Variants in MGAT5B observed in about 807,000 individuals in gnomAD.
MGAT5B encodes the protein N-acetylglucosaminyl-transferase Vb.
A neutral mutation model predicts 95.1 loss-of-function variants in MGAT5B; 54 were observed. The observed-to-expected ratio is 0.57, with a 90% confidence interval of 0.46 to 0.71. The LOEUF is 0.71. MGAT5B is among the 30% of genes least tolerant of loss of function. The pLI is 0.00. For synonymous variants in MGAT5B, 464 were observed against 451.0 expected (o/e 1.03, Z -0.36); for missense variants, 935 against 1,088.6 (o/e 0.86, Z 1.99).
intron 3 of MGAT5B, among the ~76,000 whole-genome samples, chr17:76,882,931 T>C (rs1296009083): frequency 6.6e-6 from 1 of 151,916 alleles, no homozygotes; most frequent in Non-Finnish European, 1.5e-5. Context: ...GCCAGGCTAG[T>C]CTCAAACTGC....
chr17:76,940,986 G>A lies in MGAT5B; in HGVS notation c.1848+138G>A. 1 of 650,162 alleles carries A rather than the reference G, an allele frequency of 1.5e-6. No homozygotes were observed. The highest frequency in any genetic ancestry group is 2.7e-6 in the Non-Finnish European group (1 of 368,464). The allele number at this position is 650,162 out of a possible 1,614,324, so 40.3% of individuals were successfully genotyped here. A position where few individuals can be genotyped will look rare whatever the true frequency, so the allele number is the denominator to read the frequency against. On this transcript the variant is annotated intron_variant, in intron 15 of 17. Coordinates refer to ENST00000569840, the MANE Select transcript of MGAT5B (RefSeq NM_001199172.2). This position sits in a 1 kb window ranked among gnomAD's most constrained non-coding sequence, Gnocchi z 4.3. ...TGGCAAAGGTGTCCATCCCTCCCCTGGTCAGACACAGCCCTGAGCCAGGGC... is the reference window on the plus strand; with the variant it reads ...TGGCAAAGGTGTCCATCCCTCCCCTAGTCAGACACAGCCCTGAGCCAGGGC...
rs552617546 is a variant in MGAT5B, at chr17:76,949,197, G to A, written c.*359G>A. The A allele has an allele frequency of 2.3e-4, 61 of 262,134 alleles. No individual in the cohort carries two copies. The highest frequency in any genetic ancestry group is 1.3e-3 in the Middle Eastern group (1 of 772). 16.2% of individuals were successfully genotyped at this position (262,134 alleles called of 1,614,324 possible). ...GCCAGGTGGCGAAAGGGGCCCAGTC[G>A]TTCTTGGGCCCAGGATGGGGCCTCT... On this transcript the variant is annotated 3_prime_UTR_variant, in exon 18 of 18. Transcript: ENST00000569840.
At chr17:76,922,965 C>T (rs1969165631) in intron 8 of MGAT5B, among the ~76,000 whole-genome samples, 1 of 152,194 alleles carries the variant, frequency 6.6e-6, no homozygotes, top group South Asian at 2.1e-4. Flanking sequence ...AGAGAAAGCG[C>T]CTCCCCTCTT....
intron 1 of MGAT5B, 27 bp from the exon 2 acceptor site, chr17:76,872,824 C>T (rs1432351217): frequency 1.2e-6 from 2 of 1,614,214 alleles, no homozygotes; most frequent in East Asian, 4.5e-5. Flanking sequence ...TTCCTGCCCT[C>T]CTGACCCGCC....
chr17:76,905,317 A>G lies in MGAT5B; in HGVS notation c.839A>G (p.Gln280Arg), dbSNP rs765553033. 6.3e-7 allele frequency: 1 copy of G among 1,595,582 alleles called. No individual in the cohort carries two copies. The highest frequency in any genetic ancestry group is 1.7e-5 in the Admixed American group (1 of 58,850). ...CTGGCACAGAAGCTGGGGGCCACCC[A>G]GAGGGACCAGAAGCAGGTGCGTGGC... The part of the protein sequence containing the change: ...QRLAQKLGAT[Q>R]RDQKQILVHI... Residue 280 changes from glutamine to arginine, a missense_variant, in exon 7 of 18, where the codon CAG (glutamine) becomes CGG (arginine). Physicochemically the swap from Gln to Arg is conservative, Grantham distance 43. Coordinates refer to ENST00000569840, the MANE Select transcript of MGAT5B (RefSeq NM_001199172.2). The surrounding 1 kb of genome is among the most constrained non-coding windows in gnomAD (Gnocchi z 4.2).
intron 8 of MGAT5B, among the ~76,000 whole-genome samples, chr17:76,911,534 G>C (rs1399578116): frequency 6.6e-6 from 1 of 152,192 alleles, no homozygotes; most frequent in East Asian, 1.9e-4. Flanking sequence ...GCATCACGTG[G>C]GAACCTGCTG....
In MGAT5B at chr17:76,940,767, C is replaced by T. The variant is rs35895146; in HGVS notation, c.1767C>T (p.Ile589=). The T allele has an allele frequency of 6.0e-3, 9,665 of 1,614,130 alleles. 55 individuals are homozygous for T. The highest frequency in any genetic ancestry group is 6.8e-3 in the Non-Finnish European group (8,002 of 1,180,020). The change falls in exon 15 of 18, where the codon ATC becomes ATT. Residue 589 remains isoleucine (I), a synonymous_variant. Transcript: ENST00000569840. This position sits in a 1 kb window ranked among gnomAD's most constrained non-coding sequence, Gnocchi z 4.3. ...AGCATCCCTACGCGGAGAACTTCAT[C>T]GGCAAGCCCCACGTGTGGACAGTCG... ...FSQHPYAENF[I]GKPHVWTVDY...
chr17:76,882,337 G>A (rs752890371), intron 3 of MGAT5B, 39 bp downstream of exon 3: 21 of 1,540,726 alleles, frequency 1.4e-5, no homozygotes, highest in Non-Finnish European at 1.8e-5. Context: ...GAGCAGGGGA[G>A]CGGTGGCACC....
chr17:76,905,776 G>A lies in MGAT5B; in HGVS notation c.856-242G>A, dbSNP rs573325607. On this transcript the variant is annotated intron_variant, in intron 7 of 17. Coordinates refer to ENST00000569840, the MANE Select transcript of MGAT5B (RefSeq NM_001199172.2). This position sits in a 1 kb window ranked among gnomAD's most constrained non-coding sequence, Gnocchi z 4.2. The stretch of plus-strand genomic sequence containing the variant: ...CATTTCATGAAATTATCTCTTGTCT[G>A]TGTTCACTGTTGTCTACCTCTTCCA... Among the ~76,000 whole-genome samples the A allele has an allele frequency of 1.3e-5, 2 of 150,322 alleles. No individual in the cohort carries two copies. The highest frequency in any genetic ancestry group is 3.0e-5 in the Non-Finnish European group (2 of 67,768).
At chr17:76,872,530 G>A in intron 1 of MGAT5B, 1 of 772,862 alleles carries the variant, frequency 1.3e-6, no homozygotes, top group Non-Finnish European at 2.0e-6. Context: ...CTCGTCTGGG[G>A]ACTGCACTTT....
intron 10 of MGAT5B, 105 bp downstream of exon 10, chr17:76,926,835 C>T (rs972937725): frequency 4.3e-6 from 6 of 1,410,798 alleles, no homozygotes; most frequent in African/African-American, 4.2e-5. Flanking sequence ...CTTTCCTTCT[C>T]CAGCCAGTGG....
intron 10 of MGAT5B, among the ~76,000 whole-genome samples, chr17:76,929,454 C>G (rs1567819211): frequency 6.6e-6 from 1 of 152,198 alleles, no homozygotes; most frequent in Non-Finnish European, 1.5e-5. Context: ...CTCTTTACCT[C>G]TATTTTTATA....
At chr17:76,885,443 A>G (rs596007) in intron 3 of MGAT5B, among the ~76,000 whole-genome samples, 73,529 of 152,152 alleles carry the variant, frequency 0.48, 22,943 homozygotes, top group African/African-American at 0.86. Context: ...GCAGAGCTGA[A>G]GGTCCAGTGG....
In MGAT5B at chr17:76,915,842, C is replaced by G. The variant is rs1968912335; in HGVS notation, c.1026-9124C>G. Among the ~76,000 whole-genome samples the G allele has an allele frequency of 6.6e-6, 1 of 152,182 alleles. No individual in the cohort carries two copies. Among genetic ancestry groups the G allele is most frequent in the Non-Finnish European group, 1.5e-5 (1 of 68,034 alleles). On this transcript the variant is annotated intron_variant, in intron 8 of 17. Coordinates refer to ENST00000569840, the MANE Select transcript of MGAT5B (RefSeq NM_001199172.2). This position sits in a 1 kb window ranked among gnomAD's most constrained non-coding sequence, Gnocchi z 8.7. Reference sequence around the variant, plus strand: ...AGTTTCAAGGAGGCATTTTAACCTCCTGGCTGAGCGGGGAGCGAGCGCAGG... The same window carrying G: ...AGTTTCAAGGAGGCATTTTAACCTCGTGGCTGAGCGGGGAGCGAGCGCAGG...
chr17:76,938,180 C>T lies in MGAT5B; in HGVS notation c.1584+37C>T, dbSNP rs1183598009. 18 of 1,606,822 alleles carry T rather than the reference C, an allele frequency of 1.1e-5. No homozygotes were observed. Among genetic ancestry groups the T allele is most frequent in the Admixed American group, 5.0e-5 (3 of 59,848 alleles). On this transcript the variant is annotated intron_variant, in intron 13 of 17. Coordinates refer to ENST00000569840, the MANE Select transcript of MGAT5B (RefSeq NM_001199172.2). This position sits in a 1 kb window ranked among gnomAD's most constrained non-coding sequence, Gnocchi z 4.3. ...TCCCCCGCACCATTCTCACACTTGC[C>T]GGCTGCAGACACTGAGGTCACCACC... is the stretch of plus-strand genomic sequence containing the variant.
chr17:76,922,200 G>A (rs972350685), intron 8 of MGAT5B, among the ~76,000 whole-genome samples: 1 of 152,192 alleles, frequency 6.6e-6, no homozygotes, highest in African/African-American at 2.4e-5. Flanking sequence ...GATCTGTAGG[G>A]AAGCCAGTCA....
At chr17:76,887,045 C>CAAAACAAAAAAAA (rs112646019) in intron 3 of MGAT5B, among the ~76,000 whole-genome samples, 2 of 151,454 alleles carry the variant, frequency 1.3e-5, no homozygotes, top group African/African-American at 4.9e-5. Flanking sequence ...GTCTGTCTCA[C>CAAAACAAAAAAAA]AAAACAAAAA....
intron 8 of MGAT5B, chr17:76,913,648 A>G (rs1252639034): frequency 2.0e-6 from 1 of 500,822 alleles, no homozygotes; most frequent in Non-Finnish European, 4.0e-6. Flanking sequence ...GGAAATATCA[A>G]CACAGAAAGG....
chr17:76,914,644 C>CT lies in MGAT5B; in HGVS notation c.1025+8470dup, dbSNP rs55850824. Among the ~76,000 whole-genome samples, 714 of 146,162 alleles carry CT rather than the reference C, an allele frequency of 4.9e-3. 7 individuals carry two copies. The highest frequency in any genetic ancestry group is 0.014 in the Middle Eastern group (4 of 286). The stretch of plus-strand genomic sequence containing the variant: ...CTCTGTGTCCACATTTCTTCTTCCT[C>CT]TTTTTTTTTTTTTGAGACAGAGTCT... On this transcript the variant is annotated intron_variant, in intron 8 of 17. Transcript: ENST00000569840. This position sits in a 1 kb window ranked among gnomAD's most constrained non-coding sequence, Gnocchi z 5.1.
Sources: allele counts gnomAD v4.1 joint callset (sites outside exome capture counted in the v4.1 genomes callset), GRCh38; gene constraint gnomAD v4.1.1; non-coding constraint Gnocchi (gnomAD v3.1); transcripts MANE v1.5; gene names NCBI Gene and HGNC (gene_info 2026-07-23, HGNC 2026-07-21).